The following PCGF3 variants were observed in gnomAD, a reference collection of about 807,000 sequenced individuals.
PCGF3 encodes polycomb group RING finger protein 3.
In PCGF3, 7 loss-of-function variants were observed where a neutral mutation model predicts 33.1. The ratio of observed to expected loss-of-function variants is 0.21; its 90% CI spans 0.12 to 0.40. The LOEUF (loss-of-function observed/expected upper bound fraction) is 0.40, where lower values mean the gene tolerates loss of function less well. Ranked by LOEUF, PCGF3 falls within the 10% of genes least tolerant of loss-of-function variation. The pLI is 1.00. For missense variants in PCGF3, 211 were observed against 313.3 expected (o/e 0.67, Z 2.46); for synonymous variants, 153 against 121.3 (o/e 1.26, Z -1.72).
chr4:737,115 C>G (rs1743869231), intron 5 of PCGF3, among the ~76,000 whole-genome samples: 1 of 110,728 alleles, frequency 9.0e-6, no homozygotes, highest in Non-Finnish European at 1.9e-5. Context: ...ACGGTGTCCC[C>G]TGAGCGCACG....
chr4:752,460 A>T (rs1397681953), intron 8 of PCGF3, among the ~76,000 whole-genome samples: 3 of 151,978 alleles, frequency 2.0e-5, no homozygotes, highest in Non-Finnish European at 2.9e-5. Context: ...GGTTTCATGG[A>T]TGCACGGCCA....
rs770521054 is a variant in PCGF3, at chr4:766,098, C to G, written c.*19C>G. 4 of 1,612,300 alleles carry G rather than the reference C, an allele frequency of 2.5e-6. No individual in the cohort carries two copies. The South Asian group carries it at 4.4e-5, about 18-fold the overall frequency. On this transcript the variant is annotated 3_prime_UTR_variant, in exon 11 of 11. Transcript: ENST00000362003. ...GCTGTGAATGGTGCCACACAGCGCCCACAGACTGGGCCCTCGCACCCTTGG... is the reference window on the plus strand; with the variant it reads ...GCTGTGAATGGTGCCACACAGCGCCGACAGACTGGGCCCTCGCACCCTTGG...
Position 761,247 on chromosome 4 carries a change from T to G in PCGF3, c.463-32T>G, listed in dbSNP as rs546184258. The G allele has an allele frequency of 4.5e-6, 7 of 1,543,300 alleles. No individual in the cohort carries two copies. The African/African-American group carries it at 9.7e-5, about 21-fold the overall frequency. The stretch of plus-strand genomic sequence containing the variant: ...CCAGAACCGTCCGGGGGAACCCTCC[T>G]GCTGCGCTCTCACCAGCGTCCTTTC... On this transcript the variant is annotated intron_variant, in intron 8 of 10. Coordinates refer to ENST00000362003, the Ensembl canonical transcript of PCGF3.
At chr4:768,746 A>C (rs533633125) in exon 11 of PCGF3, 1 of 152,728 alleles carries the variant, frequency 6.5e-6, no homozygotes, top group East Asian at 1.9e-4. Flanking sequence ...ATATTTTCCC[A>C]TCCAATTGTT....
At chr4:722,525 C>CG (rs148811166) in intron 1 of PCGF3, 15,138 of 248,700 alleles carry the variant, frequency 0.061, 264 homozygotes, top group Middle Eastern at 0.092. Context: ...GGTCCACACT[C>CG]AGTCATCGCC....
chr4:722,297 G>T, intron 1 of PCGF3: 1 of 171,324 alleles, frequency 5.8e-6, no homozygotes, highest in South Asian at 1.3e-4. Context: ...AGAAGCTACT[G>T]TGTTATCCAG....
chr4:738,319 T>G (rs1411724730), intron 6 of PCGF3, among the ~76,000 whole-genome samples: 1 of 152,258 alleles, frequency 6.6e-6, no homozygotes, highest in Non-Finnish European at 1.5e-5. Context: ...GCTTCTTCCC[T>G]ACTCACAGAG....
At chr4:767,043 C>G (rs906734185) in exon 11 of PCGF3, 2 of 152,350 alleles carry the variant, frequency 1.3e-5, no homozygotes, top group Non-Finnish European at 2.9e-5. Context: ...TGCCCAGACA[C>G]ACTCACTGCC....
exon 11 of PCGF3, chr4:766,083 G>C: frequency 1.9e-6 from 3 of 1,613,670 alleles, no homozygotes; most frequent in Non-Finnish European, 2.5e-6. Context: ...GCTGTGAATG[G>C]TGCCACACAG....
At chr4:731,139 G>T in intron 3 of PCGF3, 29 bp downstream of exon 3, 1 of 398,614 alleles carries the variant, frequency 2.5e-6, no homozygotes, top group East Asian at 3.6e-5. Flanking sequence ...GACCCCGGGG[G>T]TCCTGCTGAC....
chr4:729,102 A>G (rs1223827066), intron 1 of PCGF3, among the ~76,000 whole-genome samples: 3 of 72,914 alleles, frequency 4.1e-5, no homozygotes, highest in Non-Finnish European at 1.0e-4. Context: ...TCCATCTCAA[A>G]AAAAAAAAAA....
chr4:762,059 G>A, intron 9 of PCGF3: 1 of 985,394 alleles, frequency 1.0e-6, no homozygotes, highest in Non-Finnish European at 1.2e-6. Flanking sequence ...GGGGCGGTCA[G>A]GGTGGAGAAG....
At chr4:750,971 CCTTTG>C (rs1394230842) in intron 8 of PCGF3, among the ~76,000 whole-genome samples, 1 of 152,124 alleles carries the variant, frequency 6.6e-6, no homozygotes, top group Non-Finnish European at 1.5e-5. Flanking sequence ...GTTACGGAGG[CCTTTG>C]CTTTGCTTTT....
At chr4:738,994 G>A (rs1743968459) in intron 6 of PCGF3, among the ~76,000 whole-genome samples, 3 of 152,180 alleles carry the variant, frequency 2.0e-5, no homozygotes, top group Admixed American at 6.5e-5. Context: ...CGTCCTTGCT[G>A]CACCTGCTGC....
intron 6 of PCGF3, 90 bp from the exon 7 acceptor site, chr4:743,384 C>T (rs1442214421): frequency 4.0e-6 from 3 of 741,166 alleles, no homozygotes; most frequent in African/African-American, 3.5e-5. Flanking sequence ...TAATGCAAAT[C>T]CCTAATTTTC....
chr4:764,334 C>T (rs1745239021), intron 9 of PCGF3, among the ~76,000 whole-genome samples: 1 of 152,078 alleles, frequency 6.6e-6, no homozygotes, highest in South Asian at 2.1e-4. Flanking sequence ...TGCATTTTTG[C>T]ACTATGGTGA....
exon 11 of PCGF3, chr4:769,176 G>A (rs1214377182): frequency 6.5e-6 from 1 of 152,696 alleles, no homozygotes; most frequent in Non-Finnish European, 1.5e-5. Context: ...CCCCTGGGCA[G>A]GGCCATGTGG....
intron 8 of PCGF3, chr4:757,312 G>C (rs1560216489): frequency 6.6e-6 from 1 of 152,242 alleles, no homozygotes; most frequent in African/African-American, 2.4e-5. Flanking sequence ...CTGCGTGGCT[G>C]GCACACCTGT....
chr4:766,206 T>C, exon 11 of PCGF3: 1 of 709,108 alleles, frequency 1.4e-6, no homozygotes, highest in Non-Finnish European at 2.4e-6. Context: ...TTTATAACTT[T>C]TGTATGAGAG....
Sources: allele counts gnomAD v4.1 joint callset (sites outside exome capture counted in the v4.1 genomes callset), GRCh38; gene constraint gnomAD v4.1.1; transcripts MANE v1.5; gene names NCBI Gene and HGNC (gene_info 2026-07-23, HGNC 2026-07-21).